DOCK5: variants seen among roughly 807,000 people sequenced by gnomAD.
DOCK5 encodes dedicator of cytokinesis 5, also known as dedicator of cytokinesis protein 5.
DOCK5 carries 142 observed loss-of-function variants against 251.8 expected under a neutral mutation model. The ratio of observed to expected loss-of-function variants is 0.56; its 90% confidence interval spans 0.49 to 0.65. DOCK5 has a LOEUF of 0.65. Ranked by LOEUF, DOCK5 falls within the 30% of genes least tolerant of loss-of-function variation. The probability of loss-of-function intolerance (pLI) is 0.00; values close to 1 mark genes in which losing one functional copy is unlikely to be tolerated. For synonymous variants in DOCK5, 842 were observed against 835.5 expected (o/e 1.01, Z -0.13); for missense variants, 2,111 against 2,312.3 (o/e 0.91, Z 1.79).
At chr8:25,364,570 A>C (rs1358958797) in intron 29 of DOCK5, 56 bp from the exon 30 acceptor site, 1 of 1,315,222 alleles carries the variant, frequency 7.6e-7, no homozygotes, top group Non-Finnish European at 1.1e-6. Context: ...TATAGGTGGG[A>C]AAAGGTTTCA....
intron 2 of DOCK5, among the ~76,000 whole-genome samples, chr8:25,249,103 A>G (rs776503161): frequency 2.6e-5 from 4 of 152,026 alleles, no homozygotes; most frequent in African/African-American, 4.8e-5. Context: ...GACTCAACGG[A>G]TGCTCCTGCT....
chr8:25,353,549 A>T (rs1018757009), intron 27 of DOCK5, among the ~76,000 whole-genome samples: 1 of 152,092 alleles, frequency 6.6e-6, no homozygotes, highest in Non-Finnish European at 1.5e-5. Context: ...GAACAGTCAG[A>T]TTGTTGGCAA....
At chr8:25,376,069 A>G in intron 37 of DOCK5, 1 of 972,330 alleles carries the variant, frequency 1.0e-6, no homozygotes, top group South Asian at 4.9e-5. Flanking sequence ...ACCATACTCC[A>G]GCCTGGGTGA....
At chr8:25,230,461 G>A (rs1342086132) in intron 1 of DOCK5, among the ~76,000 whole-genome samples, 2 of 152,120 alleles carry the variant, frequency 1.3e-5, no homozygotes, top group African/African-American at 4.8e-5. Context: ...ATGTAAACAG[G>A]TTTCCTTTTG....
chr8:25,307,860 G>T (rs1804988827), intron 11 of DOCK5, among the ~76,000 whole-genome samples: 1 of 152,218 alleles, frequency 6.6e-6, no homozygotes, highest in Non-Finnish European at 1.5e-5. Context: ...TTTATGGCAA[G>T]CGCTACTATA....
At chr8:25,345,147 TA>T (rs1457100762) in intron 25 of DOCK5, among the ~76,000 whole-genome samples, 1 of 152,232 alleles carries the variant, frequency 6.6e-6, no homozygotes, top group Non-Finnish European at 1.5e-5. Flanking sequence ...ATTTGTTTCA[TA>T]TGACCCTCAA....
chr8:25,203,338 C>T (rs984455053), intron 1 of DOCK5, among the ~76,000 whole-genome samples: 1 of 152,090 alleles, frequency 6.6e-6, no homozygotes, highest in Non-Finnish European at 1.5e-5. Context: ...TTATCTTTGG[C>T]GGAATTAGAT....
intron 1 of DOCK5, among the ~76,000 whole-genome samples, chr8:25,215,317 G>A (rs979112560): frequency 4.6e-5 from 7 of 152,106 alleles, no homozygotes; most frequent in African/African-American, 1.7e-4. Context: ...ACAAGGCAGT[G>A]TCTCTGGGTG....
intron 1 of DOCK5, among the ~76,000 whole-genome samples, chr8:25,220,299 A>G (rs1760068373): frequency 6.6e-6 from 1 of 151,936 alleles, no homozygotes; most frequent in South Asian, 2.1e-4. Flanking sequence ...AAGGTGAGAA[A>G]CTGAAAGTTG....
chr8:25,347,110 C>T (rs967256993), intron 26 of DOCK5, among the ~76,000 whole-genome samples: 5 of 152,232 alleles, frequency 3.3e-5, no homozygotes, highest in Non-Finnish European at 1.5e-5. Context: ...GGATTCTGTC[C>T]TACCAAAGGA....
chr8:25,371,689 C>T (rs963933696), intron 34 of DOCK5, among the ~76,000 whole-genome samples: 1 of 152,170 alleles, frequency 6.6e-6, no homozygotes, highest in Non-Finnish European at 1.5e-5. Context: ...CATATACACA[C>T]AATATTTATA....
intron 28 of DOCK5, among the ~76,000 whole-genome samples, chr8:25,361,891 A>G (rs986501793): frequency 6.6e-6 from 1 of 152,214 alleles, no homozygotes; most frequent in Non-Finnish European, 1.5e-5. Flanking sequence ...TACTGTGTCC[A>G]GGCAGAACTG....
chr8:25,288,180 C>T (rs1264755072), intron 5 of DOCK5, among the ~76,000 whole-genome samples: 3 of 152,152 alleles, frequency 2.0e-5, no homozygotes, highest in Admixed American at 2.0e-4. Flanking sequence ...GCCACTGCGC[C>T]CGGCCAGCCC....
At chr8:25,399,796 AT>A in intron 45 of DOCK5, 114 bp from the exon 46 acceptor site, 2 of 730,632 alleles carry the variant, frequency 2.7e-6, no homozygotes, top group Non-Finnish European at 4.6e-6. Flanking sequence ...AAAGGGATGC[AT>A]TTTTAGTTAG....
chr8:25,218,362 G>T (rs141339835), intron 1 of DOCK5, among the ~76,000 whole-genome samples: 2 of 152,130 alleles, frequency 1.3e-5, no homozygotes, highest in African/African-American at 4.8e-5. Context: ...CGGGGTGGCC[G>T]CAGAGCTCAG....
rs1432382010 is a variant in DOCK5, at chr8:25,325,489, C to T, written c.1845C>T (p.Ser615=). ...TCACCTTCACCCCAAGCAAGGATAGCACTAAAGACAGCTTTCAGATTGCCA... is the reference window on the plus strand; with the variant it reads ...TCACCTTCACCCCAAGCAAGGATAGTACTAAAGACAGCTTTCAGATTGCCA... ...NLVTFTPSKD[S]TKDSFQIATL... The change falls in exon 18 of 52, where the codon AGC becomes AGT. Residue 615 remains serine (S), a synonymous_variant. Coordinates refer to ENST00000276440, the MANE Select transcript of DOCK5 (RefSeq NM_024940.8). 3 of 1,613,726 alleles carry T rather than the reference C, an allele frequency of 1.9e-6. No individual in the cohort carries two copies. The highest frequency in any genetic ancestry group is 2.5e-6 in the Non-Finnish European group (3 of 1,179,790).
chr8:25,395,438 A>G, intron 44 of DOCK5, 105 bp from the exon 45 acceptor site: 1 of 1,244,364 alleles, frequency 8.0e-7, no homozygotes, highest in South Asian at 1.4e-5. Context: ...CCTTTTCTAT[A>G]GCTTGTGGGC....
intron 1 of DOCK5, among the ~76,000 whole-genome samples, chr8:25,235,783 TTTTTC>T (rs1802780631): frequency 6.6e-6 from 1 of 151,342 alleles, no homozygotes; most frequent in East Asian, 1.9e-4. Context: ...GATAGAGATT[TTTTTC>T]TTTTCTTTTC....
intron 40 of DOCK5, among the ~76,000 whole-genome samples, chr8:25,385,183 G>T (rs1318946656): frequency 1.3e-5 from 2 of 152,134 alleles, no homozygotes; most frequent in African/African-American, 2.4e-5. Context: ...GTTTCCTGGG[G>T]TGTTCTGTCT....
Sources: allele counts gnomAD v4.1 joint callset (sites outside exome capture counted in the v4.1 genomes callset), GRCh38; gene constraint gnomAD v4.1.1; transcripts MANE v1.5; gene names NCBI Gene and HGNC (gene_info 2026-07-23, HGNC 2026-07-21).